KIF4A: variants seen among roughly 807,000 people sequenced by gnomAD.
The protein encoded by KIF4A is kinesin family member 4A.
KIF4A carries 7 observed loss-of-function variants against 105.9 expected under a neutral mutation model. The ratio of observed to expected loss-of-function variants is 0.07; its 90% CI spans 0.04 to 0.12. The LOEUF (loss-of-function observed/expected upper bound fraction) is 0.12, where lower values mean the gene tolerates loss of function less well. KIF4A is among the 10% of genes least tolerant of loss of function. KIF4A has a pLI of 1.00. For synonymous variants in KIF4A, 281 were observed against 331.3 expected (o/e 0.85, Z 1.65); for missense variants, 558 against 929.2 (o/e 0.60, Z 5.19).
At chrX:70,392,063 C>T (rs1040427242) in intron 20 of KIF4A, among the ~76,000 whole-genome samples, 5 of 111,211 alleles carry the variant, frequency 4.5e-5, no homozygotes, top group Non-Finnish European at 7.5e-5. Context: ...TTCAGTAATA[C>T]ATAAAAAAAC....
In KIF4A at chrX:70,361,667, C is replaced by G. The variant is rs773695095; in HGVS notation, c.1674+7860C>G. ...CTGGTTAGGGAATGCACTTGTAAGA[C>G]AAGGACTGCTGGGACAGCAGGTAAA... is the stretch of plus-strand genomic sequence containing the variant. On this transcript the variant is annotated intron_variant, in intron 15 of 30. Coordinates refer to ENST00000374403, the MANE Select transcript of KIF4A (RefSeq NM_012310.5). 1.2e-3 allele frequency: 184 copies of G among 153,434 alleles called. 1 individual carries two copies. Among genetic ancestry groups the G allele is most frequent in the Admixed American group, 4.0e-3 (68 of 16,911 alleles). The allele number at this position is 153,434 out of a possible 1,213,427, so 12.6% of individuals were successfully genotyped here. A position where few individuals can be genotyped will look rare whatever the true frequency, so the allele number is the denominator to read the frequency against.
intron 7 of KIF4A, among the ~76,000 whole-genome samples, chrX:70,310,311 T>TTGTGTGTGTG (rs1555945529): frequency 1.5e-3 from 126 of 86,291 alleles, no homozygotes; most frequent in African/African-American, 5.1e-3. Flanking sequence ...CTCAAAATGG[T>TTGTGTGTGTG]TGTGTGTGTG....
At chrX:70,368,800 G>A (rs913056841) in intron 15 of KIF4A, among the ~76,000 whole-genome samples, 1 of 112,163 alleles carries the variant, frequency 8.9e-6, no homozygotes, top group Non-Finnish European at 1.9e-5. Context: ...ATTTAAGTCT[G>A]CAGGGGTTTC....
At chrX:70,353,522 AT>A (rs2086039423) in intron 14 of KIF4A, 99 bp from the exon 15 acceptor site, 1 of 684,220 alleles carries the variant, frequency 1.5e-6, no homozygotes, top group Non-Finnish European at 2.2e-6. Context: ...GAACAGAGAT[AT>A]TGTTAATGGA....
At chrX:70,399,955 A>C (rs931604991) in intron 22 of KIF4A, among the ~76,000 whole-genome samples, 1 of 103,234 alleles carries the variant, frequency 9.7e-6, no homozygotes, top group Non-Finnish European at 2.0e-5. Flanking sequence ...AATAATAATA[A>C]AATAAAAACA....
intron 18 of KIF4A, among the ~76,000 whole-genome samples, chrX:70,383,488 A>G (rs1458627409): frequency 1.8e-5 from 2 of 112,215 alleles, no homozygotes; most frequent in African/African-American, 6.5e-5. Context: ...AAGGCTAAAT[A>G]AAAACGTAGA....
Position 70,376,136 on chromosome X carries a change from A to G in KIF4A, c.1960A>G (p.Met654Val), listed in dbSNP as rs2086174282. 3.3e-6 allele frequency: 4 copies of G among 1,208,429 alleles called. No individual in the cohort carries two copies. The highest frequency in any genetic ancestry group is 4.5e-6 in the Non-Finnish European group (4 of 893,023). Residue 654 changes from methionine to valine, a missense_variant, in exon 18 of 31, where the codon ATG becomes GTG. Transcript: ENST00000374403. ...CCAGCGGGTACAGTTAATGCGTCAA[A>G]TGAAAGAAGATGCTGAGAAGTTTAG... The part of the protein sequence containing the change: ...KNQRVQLMRQ[M>V]KEDAEKFRQW...
chrX:70,393,752 C>T (rs1226544008), intron 20 of KIF4A, among the ~76,000 whole-genome samples: 2 of 103,133 alleles, frequency 1.9e-5, no homozygotes, highest in Non-Finnish European at 3.9e-5. Context: ...TTAATGTTAA[C>T]GTATTTGTGC....
chrX:70,369,216 C>T (rs2086119516), intron 15 of KIF4A, among the ~76,000 whole-genome samples: 1 of 112,315 alleles, frequency 8.9e-6, no homozygotes, highest in African/African-American at 3.2e-5. Flanking sequence ...CGATGCCTCG[C>T]CCTGCTTCGG....
chrX:70,369,431 A>C (rs772565636), intron 15 of KIF4A, among the ~76,000 whole-genome samples: 50 of 112,433 alleles, frequency 4.4e-4, no homozygotes, highest in Non-Finnish European at 7.9e-4. Context: ...GATTGGTAAC[A>C]GTTTTTAGGT....
chrX:70,320,719 T>A (rs747848208), intron 7 of KIF4A, among the ~76,000 whole-genome samples: 1 of 111,749 alleles, frequency 8.9e-6, no homozygotes, highest in African/African-American at 3.3e-5. Flanking sequence ...GGTTGATTAA[T>A]GGGTATAAAC....
chrX:70,366,185 T>C (rs1485576537), intron 15 of KIF4A, among the ~76,000 whole-genome samples: 1 of 111,633 alleles, frequency 9.0e-6, no homozygotes, highest in African/African-American at 3.3e-5. Context: ...TTTGTTGATC[T>C]TTTCAAAAAA....
At chrX:70,368,186 A>C (rs909293222) in intron 15 of KIF4A, among the ~76,000 whole-genome samples, 6 of 111,431 alleles carry the variant, frequency 5.4e-5, no homozygotes, top group Non-Finnish European at 9.4e-5. Context: ...CTTCTTTGTC[A>C]TGGGTTCGAA....
chrX:70,355,489 G>A (rs955900009), intron 15 of KIF4A, among the ~76,000 whole-genome samples: 1 of 111,933 alleles, frequency 8.9e-6, no homozygotes, highest in African/African-American at 3.2e-5. Context: ...AGTGGGTCTT[G>A]GGCGGGGCCA....
Position 70,343,937 on chromosome X carries a change from T to C in KIF4A, c.1386T>C (p.Asn462=). The change falls in exon 13 of 31, where the codon AAT becomes AAC. Residue 462 remains asparagine (N), a synonymous_variant. Coordinates refer to ENST00000374403, the MANE Select transcript of KIF4A (RefSeq NM_012310.5). ...ETLEDQELKE[N]VEIICNLQQL... ...TGGAAGACCAGGAATTGAAAGAAAATGTAGAGATAATTTGTAACCTGCAGC... is the reference window on the plus strand; with the variant it reads ...TGGAAGACCAGGAATTGAAAGAAAACGTAGAGATAATTTGTAACCTGCAGC... The C allele has an allele frequency of 8.3e-7, 1 of 1,210,465 alleles. No individual in the cohort carries two copies.
intron 28 of KIF4A, among the ~76,000 whole-genome samples, chrX:70,415,861 C>CTTTTTTTTT (rs1162374099): frequency 7.3e-4 from 42 of 57,399 alleles, no homozygotes; most frequent in Non-Finnish European, 1.1e-3. Flanking sequence ...TGCATTATTT[C>CTTTTTTTTT]TTTTTTTTTT....
chrX:70,335,814 G>A (rs2085948159), intron 10 of KIF4A, among the ~76,000 whole-genome samples: 1 of 111,587 alleles, frequency 9.0e-6, no homozygotes, highest in Admixed American at 9.5e-5. Context: ...AGTGGGTGGT[G>A]AGAAACTACT....
At chrX:70,304,957 C>T (rs1422353801) in intron 7 of KIF4A, among the ~76,000 whole-genome samples, 1 of 111,306 alleles carries the variant, frequency 9.0e-6, no homozygotes, top group Non-Finnish European at 1.9e-5. Flanking sequence ...CCACCATACC[C>T]GGCCTCATTT....
chrX:70,364,326 C>G (rs2086091173), intron 15 of KIF4A, among the ~76,000 whole-genome samples: 1 of 110,471 alleles, frequency 9.1e-6, no homozygotes, highest in African/African-American at 3.3e-5. Flanking sequence ...ATGCCTGTGT[C>G]CTGAATGGTA....
Sources: allele counts gnomAD v4.1 joint callset (sites outside exome capture counted in the v4.1 genomes callset), GRCh38; gene constraint gnomAD v4.1.1; transcripts MANE v1.5; gene names NCBI Gene and HGNC (gene_info 2026-07-23, HGNC 2026-07-21).